Variants in GCNA observed in about 807,000 individuals in gnomAD.
GCNA encodes the protein germ cell nuclear acidic peptidase.
In GCNA, 3 loss-of-function variants were observed where a neutral mutation model predicts 38.8. The observed-to-expected ratio is 0.08, with a 90% CI of 0.04 to 0.20. The LOEUF (loss-of-function observed/expected upper bound fraction) is 0.20. Ranked by LOEUF, GCNA falls within the 10% of genes least tolerant of loss-of-function variation. The pLI is 1.00. For missense variants in GCNA, 446 were observed against 578.6 expected, an observed-to-expected ratio of 0.77 and a Z score of 2.35; for synonymous variants, 195 against 240.2, an observed-to-expected ratio of 0.81 and a Z score of 1.74.
chrX:71,594,131 T>G (rs2040651977), intron 4 of GCNA, among the ~76,000 whole-genome samples, 200 bp from the exon 5 acceptor site: 1 of 112,708 alleles, frequency 8.9e-6, no homozygotes, highest in South Asian at 3.7e-4. Flanking sequence ...CAGTAAGGAC[T>G]GAGCAGCTCA....
At chrX:71,601,609 A>G (rs2040715926) in intron 7 of GCNA, among the ~76,000 whole-genome samples, 1 of 109,148 alleles carries the variant, frequency 9.2e-6, no homozygotes, top group Non-Finnish European at 1.9e-5. Flanking sequence ...CAGTGGCGCA[A>G]TCTCGGCTCA....
chrX:71,582,942 G>A (rs1173369957), intron 2 of GCNA, among the ~76,000 whole-genome samples: 3 of 111,847 alleles, frequency 2.7e-5, no homozygotes, highest in African/African-American at 9.7e-5. Flanking sequence ...AACATTCATT[G>A]CAGCACTGTT....
chrX:71,588,706 A>G (rs1314901188), intron 2 of GCNA, among the ~76,000 whole-genome samples: 1 of 110,712 alleles, frequency 9.0e-6, no homozygotes, highest in Non-Finnish European at 1.9e-5. Flanking sequence ...ACACGCCTGT[A>G]ATCCCAGCTA....
chrX:71,596,111 G>A (rs1467892815), intron 6 of GCNA, among the ~76,000 whole-genome samples: 1 of 111,660 alleles, frequency 9.0e-6, no homozygotes, highest in Non-Finnish European at 1.9e-5. Flanking sequence ...AGCTACTTAG[G>A]AGGCTGAGGC....
At chrX:71,599,448 C>G (rs1428170341) in intron 7 of GCNA, among the ~76,000 whole-genome samples, 3 of 111,565 alleles carry the variant, frequency 2.7e-5, no homozygotes, top group Non-Finnish European at 3.8e-5. Flanking sequence ...AGTAACAGAG[C>G]CAGAAACCAG....
At chrX:71,597,698 A>G (rs1009177833) in intron 6 of GCNA, among the ~76,000 whole-genome samples, 6 of 112,388 alleles carry the variant, frequency 5.3e-5, no homozygotes, top group Non-Finnish European at 1.1e-4. Flanking sequence ...TTTCACTCTC[A>G]GTATGTGACA....
At chrX:71,612,309 GA>G (rs1556139113) in intron 11 of GCNA, 45 bp from the exon 12 acceptor site, 4 of 333,151 alleles carry the variant, frequency 1.2e-5, no homozygotes, top group Non-Finnish European at 1.9e-5. Context: ...AAAAAAAAAA[GA>G]GGATTGGTTT....
chrX:71,599,080 C>T (rs1282877957), intron 7 of GCNA, among the ~76,000 whole-genome samples: 4 of 108,234 alleles, frequency 3.7e-5, no homozygotes, highest in Non-Finnish European at 7.7e-5. Flanking sequence ...TGGTCTTGAA[C>T]TCCTGGCCTC....
Position 71,602,113 on chromosome X carries a change from G to C in GCNA, c.311-1475G>C, listed in dbSNP as rs190520620. 2.5e-3 allele frequency among the ~76,000 whole-genome samples: 283 copies of C among 112,053 alleles called. 1 individual carries two copies. The highest frequency in any genetic ancestry group is 4.7e-3 in the Non-Finnish European group (249 of 53,182). The stretch of plus-strand genomic sequence containing the variant: ...TTCCCTTTTCTCCTCATTCTCACCA[G>C]CATTTATTATTGCCTGTCTTTTGGC... On this transcript the variant is annotated intron_variant, in intron 7 of 12. Transcript: ENST00000373696.
At chrX:71,591,368 CAG>C (rs1038208854) in intron 2 of GCNA, among the ~76,000 whole-genome samples, 6 of 106,090 alleles carry the variant, frequency 5.7e-5, no homozygotes, top group African/African-American at 1.7e-4. Flanking sequence ...GCAGATGAGA[CAG>C]AGAAGCAAGA....
chrX:71,603,900 A>G lies in GCNA; in HGVS notation c.623A>G (p.Asn208Ser). ...DDNSDDSSDDNSDDSDVPDDK... is the reference protein window; with the variant it reads ...DDNSDDSSDDSSDDSDVPDDK... ...AACAGTGATGATTCATCCGACGACA[A>G]CAGTGATGATTCGGATGTTCCCGAC... The change falls in exon 8 of 13, where the codon AAC becomes AGC. Residue 208 changes from asparagine (N) to serine (S), a missense_variant. Transcript: ENST00000373696. The G allele has an allele frequency of 8.3e-7, 1 of 1,210,012 alleles. No individual in the cohort carries two copies. The highest frequency in any genetic ancestry group is 1.1e-6 in the Non-Finnish European group (1 of 895,044).
chrX:71,608,094 A>G (rs1361156181), intron 9 of GCNA, among the ~76,000 whole-genome samples: 3 of 110,663 alleles, frequency 2.7e-5, no homozygotes, highest in Non-Finnish European at 5.7e-5. Context: ...ATTGGATGAG[A>G]AGAGACAGAG....
intron 2 of GCNA, 130 bp from the exon 3 acceptor site, chrX:71,591,992 C>A: frequency 1.8e-6 from 1 of 563,161 alleles, no homozygotes; most frequent in South Asian, 3.1e-5. Context: ...GGCTTAAAGC[C>A]CTTAAAACCT....
intron 7 of GCNA, among the ~76,000 whole-genome samples, chrX:71,600,512 A>G (rs1301666383): frequency 9.0e-6 from 1 of 111,645 alleles, no homozygotes; most frequent in African/African-American, 3.3e-5. Context: ...AAAATATACA[A>G]GTCTGCAGAC....
intron 2 of GCNA, among the ~76,000 whole-genome samples, chrX:71,585,362 T>C (rs2040578059): frequency 9.0e-6 from 1 of 110,628 alleles, no homozygotes; most frequent in East Asian, 2.8e-4. Flanking sequence ...TGCAGCTCCA[T>C]GACCCTCAGT....
chrX:71,604,808 A>T, intron 8 of GCNA, 132 bp downstream of exon 8: 1 of 916,955 alleles, frequency 1.1e-6, no homozygotes, highest in Admixed American at 3.6e-5. Context: ...TGGCCCAAGG[A>T]GGCATCCATC....
At chrX:71,591,393 G>A (rs1388376276) in intron 2 of GCNA, among the ~76,000 whole-genome samples, 1 of 103,581 alleles carries the variant, frequency 9.7e-6, no homozygotes, top group Admixed American at 1.1e-4. Context: ...CCCCAGCATC[G>A]TGGCTCACTG....
In GCNA at chrX:71,583,101, A is replaced by G. The variant is rs2040558382; in HGVS notation, c.59+2221A>G. On this transcript the variant is annotated intron_variant, in intron 2 of 12. Transcript: ENST00000373696. Reference sequence around the variant, plus strand: ...TAAAGTGAAAAATGCAAGCTGCAGAACAATGCATATAGCATAATATTATTT... The same window carrying G: ...TAAAGTGAAAAATGCAAGCTGCAGAGCAATGCATATAGCATAATATTATTT... Among the ~76,000 whole-genome samples the G allele has an allele frequency of 2.7e-5, 3 of 112,564 alleles. No individual in the cohort carries two copies. In the South Asian group the frequency reaches 1.1e-3, roughly 41 times the overall value.
In GCNA at chrX:71,610,692, A is replaced by T. The variant is rs1451997300; in HGVS notation, c.1623A>T (p.Lys541Asn). 2.5e-6 allele frequency: 3 copies of T among 1,210,026 alleles called. No homozygotes were observed. Among genetic ancestry groups the T allele is most frequent in the Non-Finnish European group, 3.4e-6 (3 of 894,896 alleles). The change falls in exon 11 of 13, where the codon AAA becomes AAT. Residue 541 changes from lysine (K) to asparagine (N), a missense_variant. Transcript: ENST00000373696. ...CGTTTCATTCTCAGCTGCCAGAGAA[A>T]CTACGCATAGGCTGGAATAACAAGA... ...RSVCDKKLPE[K>N]LRIGWNNKMV...
Sources: allele counts gnomAD v4.1 joint callset (sites outside exome capture counted in the v4.1 genomes callset), GRCh38; gene constraint gnomAD v4.1.1; transcripts MANE v1.5; gene names NCBI Gene and HGNC (gene_info 2026-07-23, HGNC 2026-07-21).